Variants in PDE8B observed in about 807,000 individuals in gnomAD.
PDE8B encodes phosphodiesterase 8B.
Under a neutral mutation model 101.3 loss-of-function variants are expected in PDE8B, and 26 were observed. The ratio of observed to expected loss-of-function variants is 0.26; its 90% CI spans 0.19 to 0.36. The LOEUF is 0.36. Ranked by LOEUF, PDE8B falls within the 10% of genes least tolerant of loss-of-function variation. PDE8B has a pLI of 1.00. For synonymous variants in PDE8B, 424 were observed against 429.3 expected (o/e 0.99, Z 0.15); for missense variants, 810 against 1,163.1 (o/e 0.70, Z 4.42).
At chr5:77,102,501 A>T in the PDE8B span, among the ~76,000 whole-genome samples, 1 of 152,224 alleles carries the variant, frequency 6.6e-6, no homozygotes, top group Non-Finnish European at 1.5e-5. Flanking sequence ...AGTGAGTTGC[A>T]TCAAATACCT....
the PDE8B span, among the ~76,000 whole-genome samples, chr5:77,171,831 G>C: frequency 9.2e-5 from 14 of 152,146 alleles, no homozygotes; most frequent in Admixed American, 9.2e-4. Context: ...CCCTGTGCTC[G>C]TGCCTTTCAT....
chr5:77,423,368 T>C (rs34295093), intron 20 of PDE8B, among the ~76,000 whole-genome samples: 14,569 of 152,192 alleles, frequency 0.096, 834 homozygotes, highest in South Asian at 0.14. Flanking sequence ...TTCCTTTGGG[T>C]ATATACCCAG....
At chr5:77,417,026 T>A (rs1189660353) in intron 17 of PDE8B, among the ~76,000 whole-genome samples, 1 of 152,086 alleles carries the variant, frequency 6.6e-6, no homozygotes, top group Non-Finnish European at 1.5e-5. Context: ...GGACAATTCC[T>A]GCTTCTCCTT....
At chr5:77,197,109 C>CT in the PDE8B span, among the ~76,000 whole-genome samples, 3,792 of 94,676 alleles carry the variant, frequency 0.04, 147 homozygotes, top group Non-Finnish European at 0.057. Flanking sequence ...TTAAAAAAAA[C>CT]TTTTTTTTTT....
chr5:77,326,415 A>T (rs534848705), intron 3 of PDE8B, among the ~76,000 whole-genome samples: 1 of 152,356 alleles, frequency 6.6e-6, no homozygotes, highest in African/African-American at 2.4e-5. Flanking sequence ...GTCCAGTTGC[A>T]TGGGGAGCTG....
chr5:77,246,616 A>G (rs544530105), intron 1 of PDE8B: 1 of 152,286 alleles, frequency 6.6e-6, no homozygotes, highest in East Asian at 1.9e-4. Context: ...AGCTGTGTTC[A>G]TTTATTTACT....
At chr5:77,231,991 A>G (rs568104525) in intron 1 of PDE8B, among the ~76,000 whole-genome samples, 8 of 152,366 alleles carry the variant, frequency 5.3e-5, no homozygotes, top group African/African-American at 1.7e-4. Context: ...GGCTGCACAG[A>G]TCAGCCTTTC....
chr5:77,346,282 G>A (rs1353547651), intron 7 of PDE8B, among the ~76,000 whole-genome samples: 2 of 152,172 alleles, frequency 1.3e-5, no homozygotes, highest in Non-Finnish European at 2.9e-5. Flanking sequence ...CTCAGAGAGA[G>A]CCAGACGTGT....
the PDE8B span, among the ~76,000 whole-genome samples, chr5:77,131,818 A>G: frequency 6.6e-6 from 1 of 152,214 alleles, no homozygotes; most frequent in African/African-American, 2.4e-5. Context: ...ACAACCATGT[A>G]AACTTATTGA....
chr5:77,425,378 T>C (rs1340474877), intron 20 of PDE8B, among the ~76,000 whole-genome samples: 2 of 152,226 alleles, frequency 1.3e-5, no homozygotes, highest in African/African-American at 4.8e-5. Flanking sequence ...TTGGCCAATA[T>C]GGTGAAACCC....
At chr5:77,144,471 G>A in the PDE8B span, 1 of 152,138 alleles carries the variant, frequency 6.6e-6, no homozygotes, top group Admixed American at 6.5e-5. Flanking sequence ...TAGGGACGGT[G>A]TCCGCTGAAA....
the PDE8B span, chr5:77,147,065 AG>A: frequency 2.4e-6 from 1 of 420,886 alleles, no homozygotes; most frequent in Non-Finnish European, 4.6e-6. Flanking sequence ...ACTGAGCTAA[AG>A]GAAAGCCTGA....
In PDE8B at chr5:77,328,735, G is replaced by GC. The variant is rs1363134715; in HGVS notation, c.591-261dup. 1.8e-4 allele frequency among the ~76,000 whole-genome samples: 27 copies of GC among 152,276 alleles called. No individual in the cohort carries two copies. In the Middle Eastern group the frequency reaches 0.01, roughly 58 times the overall value. ...AAAAAATGGAATTTAAGTGGAATTTGCCAGTTTTTTAAGTGGAAAATTGGC... is the reference window on the plus strand; with the variant it reads ...AAAAAATGGAATTTAAGTGGAATTTGCCCAGTTTTTTAAGTGGAAAATTGGC... On this transcript the variant is annotated intron_variant, in intron 3 of 21. Coordinates refer to ENST00000264917, the MANE Select transcript of PDE8B (RefSeq NM_003719.5).
intron 1 of PDE8B, among the ~76,000 whole-genome samples, chr5:77,309,865 C>T (rs953176547): frequency 8.6e-5 from 13 of 151,642 alleles, no homozygotes; most frequent in Admixed American, 8.5e-4. Context: ...AGTGATCCAC[C>T]TGCCTCGGCC....
chr5:77,391,955 A>G (rs1256261054), intron 10 of PDE8B, among the ~76,000 whole-genome samples: 1 of 152,222 alleles, frequency 6.6e-6, no homozygotes, highest in Non-Finnish European at 1.5e-5. Context: ...ATCATATAAA[A>G]AATTCACACT....
intron 20 of PDE8B, among the ~76,000 whole-genome samples, chr5:77,422,764 T>C (rs950198213): frequency 3.3e-5 from 5 of 152,116 alleles, no homozygotes; most frequent in Non-Finnish European, 7.3e-5. Flanking sequence ...TAGTGAATTT[T>C]GTGGGGTCTG....
intron 1 of PDE8B, among the ~76,000 whole-genome samples, chr5:77,228,618 A>T (rs1326406728): frequency 6.6e-6 from 1 of 152,088 alleles, no homozygotes; most frequent in African/African-American, 2.4e-5. Context: ...GGGGTAAAAT[A>T]CCTGAGGACC....
At chr5:77,303,564 A>C (rs1770463459) in intron 1 of PDE8B, among the ~76,000 whole-genome samples, 1 of 124,236 alleles carries the variant, frequency 8.0e-6, no homozygotes, top group Admixed American at 9.2e-5. Context: ...GCAAGACTCC[A>C]TCTCAAAATA....
At chr5:77,394,094 T>C (rs560918695) in intron 10 of PDE8B, among the ~76,000 whole-genome samples, 85 of 152,368 alleles carry the variant, frequency 5.6e-4, no homozygotes, top group African/African-American at 2.0e-3. Context: ...AAAGTAAGAA[T>C]ACTCATGAAA....
Sources: gnomAD v4.1 joint callset for allele counts (sites outside exome capture counted in the v4.1 genomes callset) on GRCh38, gnomAD v4.1.1 for gene constraint, MANE v1.5 for transcripts, NCBI Gene and HGNC (gene_info 2026-07-23, HGNC 2026-07-21) for gene names.